RHOU: variants seen among roughly 807,000 people sequenced by gnomAD.
RHOU encodes the protein rho-related GTP-binding protein RhoU.
In RHOU, 8 loss-of-function variants were observed where a neutral mutation model predicts 12.6. That is an observed-to-expected ratio of 0.64 (90% CI 0.37 to 1.15). The LOEUF (loss-of-function observed/expected upper bound fraction) is 1.15. RHOU is among the 50% of genes most tolerant of loss of function. The pLI, the probability that RHOU is intolerant of heterozygous loss-of-function variation, is 0.01. For missense variants in RHOU, 258 were observed against 347.0 expected (o/e 0.74, Z 2.04); for synonymous variants, 161 against 147.4 (o/e 1.09, Z -0.67).
At chr1:228,660,496 C>A in the RHOU span, among the ~76,000 whole-genome samples, 3 of 151,606 alleles carry the variant, frequency 2.0e-5, no homozygotes, top group African/African-American at 7.3e-5. Context: ...GCCCTGATAC[C>A]AAAGCAAGAC....
At chr1:228,650,015 A>G in the RHOU span, 1 of 362,478 alleles carries the variant, frequency 2.8e-6, no homozygotes, top group Non-Finnish European at 5.3e-6. Context: ...TAATTATTCT[A>G]TTCTAAGTTT....
At chr1:228,647,196 G>C in the RHOU span, among the ~76,000 whole-genome samples, 2 of 152,206 alleles carry the variant, frequency 1.3e-5, no homozygotes, top group Non-Finnish European at 2.9e-5. Flanking sequence ...CCAACGGAGC[G>C]CTGAGACGGG....
the RHOU span, among the ~76,000 whole-genome samples, chr1:228,707,302 A>G: frequency 3.1e-5 from 4 of 131,110 alleles, no homozygotes; most frequent in Admixed American, 3.2e-4. Flanking sequence ...GTGTGTGTGT[A>G]TAAAATACCC....
chr1:228,664,299 G>A, the RHOU span, among the ~76,000 whole-genome samples: 5 of 151,174 alleles, frequency 3.3e-5, no homozygotes, highest in Admixed American at 2.0e-4. Flanking sequence ...GGTGTGAGCC[G>A]CTGCGCTCGG....
At chr1:228,672,625 G>A in the RHOU span, among the ~76,000 whole-genome samples, 1 of 152,168 alleles carries the variant, frequency 6.6e-6, no homozygotes, top group Non-Finnish European at 1.5e-5. Flanking sequence ...AGATGATGAT[G>A]CACATGCCCA....
upstream of RHOU, chr1:228,735,008 A>G (rs1662562256): frequency 6.6e-6 from 1 of 152,220 alleles, no homozygotes; most frequent in South Asian, 2.1e-4. This position sits in a 1 kb window ranked among gnomAD's most constrained non-coding sequence, Gnocchi z 8.1. Context: ...CTGTTAATTC[A>G]ATCTCATTCG....
chr1:228,729,479 A>G, the RHOU span, among the ~76,000 whole-genome samples: 1 of 152,216 alleles, frequency 6.6e-6, no homozygotes, highest in South Asian at 2.1e-4. Context: ...GCACGGGTAC[A>G]TATACAGACA....
the RHOU span, chr1:228,687,387 A>G: frequency 3.2e-6 from 3 of 931,586 alleles, no homozygotes; most frequent in Non-Finnish European, 5.2e-6. Context: ...CTTATAGAAA[A>G]GGTAAAGGAA....
At chr1:228,651,220 G>A in the RHOU span, 2 of 211,196 alleles carry the variant, frequency 9.5e-6, no homozygotes, top group Non-Finnish European at 2.0e-5. Context: ...ACCAGGGGGA[G>A]GCAGCAGGCT....
At chr1:228,742,524 T>TG (rs1662745257) in intron 2 of RHOU, among the ~76,000 whole-genome samples, 1 of 152,184 alleles carries the variant, frequency 6.6e-6, no homozygotes, top group African/African-American at 2.4e-5. Flanking sequence ...CCATGGGTAC[T>TG]GGCAAGGATA....
At position 228,737,808 on chromosome 1, in the gene RHOU, C is replaced by G. The variant is rs1375381448; in HGVS notation, c.321+77C>G. ...ATTTCCAAATAACCTTTGATTCCCT[C>G]AGTCAGTAACTGGGTCATTCTAAAG... On this transcript the variant is annotated intron_variant, in intron 2 of 2. Transcript: ENST00000366691. This position sits in a 1 kb window ranked among gnomAD's most constrained non-coding sequence, Gnocchi z 4.1. 1 of 1,450,634 alleles carries G rather than the reference C, an allele frequency of 6.9e-7. No homozygotes were observed. Among genetic ancestry groups the G allele is most frequent in the African/African-American group, 1.4e-5 (1 of 71,804 alleles). The allele number at this position is 1,450,634 out of a possible 1,614,324, so 89.9% of individuals were successfully genotyped here. A position where few individuals can be genotyped will look rare whatever the true frequency, so the allele number is the denominator to read the frequency against.
rs1662775940 is a variant in RHOU, at chr1:228,743,946, A to G, written c.*206A>G. ...TAGGGATGAGATACTTATGCAAGAT[A>G]TTTTTGAAGTAAATTAAACATTTTT... is the stretch of plus-strand genomic sequence containing the variant. On this transcript the variant is annotated 3_prime_UTR_variant, in exon 3 of 3. Transcript: ENST00000366691. The surrounding 1 kb of genome is among the most constrained non-coding windows in gnomAD (Gnocchi z 5.1). The G allele has an allele frequency of 1.9e-6, 1 of 518,466 alleles. No homozygotes were observed. 32.1% of individuals were successfully genotyped at this position (518,466 alleles called of 1,614,324 possible). A position where few individuals can be genotyped will look rare whatever the true frequency, so the allele number is the denominator to read the frequency against.
At chr1:228,647,132 G>T in the RHOU span, among the ~76,000 whole-genome samples, 52 of 152,256 alleles carry the variant, frequency 3.4e-4, no homozygotes, top group African/African-American at 1.2e-3. Flanking sequence ...GGAATAGGGT[G>T]GAGGGGTTTG....
the RHOU span, chr1:228,687,282 C>G: frequency 1.6e-6 from 1 of 636,242 alleles, no homozygotes; most frequent in African/African-American, 1.8e-5. Flanking sequence ...CCCCAGTTCC[C>G]AAGAGTTATC....
At chr1:228,707,126 A>ATATATATATATATATG in the RHOU span, among the ~76,000 whole-genome samples, 68 of 75,380 alleles carry the variant, frequency 9.0e-4, 1 homozygote, top group African/African-American at 9.1e-3. Flanking sequence ...ATATATATAT[A>ATATATATATATATATG]CATATATATA....
At chr1:228,691,653 G>T in the RHOU span, among the ~76,000 whole-genome samples, 2 of 152,152 alleles carry the variant, frequency 1.3e-5, no homozygotes, top group South Asian at 4.1e-4. Flanking sequence ...CCTACTGAAG[G>T]ACATCTTAGT....
the RHOU span, among the ~76,000 whole-genome samples, chr1:228,672,407 C>T: frequency 6.6e-6 from 1 of 152,164 alleles, no homozygotes; most frequent in African/African-American, 2.4e-5. Context: ...AGATGGTCCA[C>T]CTGCTTCGGC....
chr1:228,707,300 G>A, the RHOU span, among the ~76,000 whole-genome samples: 1 of 125,352 alleles, frequency 8.0e-6, no homozygotes, highest in Non-Finnish European at 1.6e-5. Flanking sequence ...GTGTGTGTGT[G>A]TATAAAATAC....
the RHOU span, among the ~76,000 whole-genome samples, chr1:228,651,971 CA>C: frequency 6.6e-6 from 1 of 152,180 alleles, no homozygotes; most frequent in African/African-American, 2.4e-5. Flanking sequence ...GTTGAAGTAG[CA>C]AGATGTTGGC....
Sources: allele counts gnomAD v4.1 joint callset (sites outside exome capture counted in the v4.1 genomes callset), GRCh38; gene constraint gnomAD v4.1.1; non-coding constraint Gnocchi (gnomAD v3.1); transcripts MANE v1.5; gene names NCBI Gene and HGNC (gene_info 2026-07-23, HGNC 2026-07-21).